BRIP1: variants seen among roughly 807,000 people sequenced by gnomAD.
BRIP1 encodes Fanconi anemia group J protein.
In BRIP1, 88 loss-of-function variants were observed where a neutral mutation model predicts 119.7. The ratio of observed to expected loss-of-function variants is 0.74; its 90% CI spans 0.62 to 0.88. BRIP1 has a LOEUF of 0.88. BRIP1 is among the 40% of genes least tolerant of loss of function. The pLI is 0.00. For missense variants in BRIP1, 1,259 were observed against 1,455.4 expected (o/e 0.87, Z 2.20); for synonymous variants, 443 against 496.5 (o/e 0.89, Z 1.43).
At chr17:61,747,656 C>A (rs1191153141) in intron 14 of BRIP1, among the ~76,000 whole-genome samples, 1 of 152,002 alleles carries the variant, frequency 6.6e-6, no homozygotes, top group African/African-American at 2.4e-5. Flanking sequence ...AGCTAAGGAC[C>A]TAAATGGCCT....
chr17:61,784,313 CT>C lies in BRIP1; in HGVS notation c.1584del (p.Gly529AspfsTer61). ...AGATAGTCAAGTACCATAAAAAGTC[CT>C]TTAAGCATTATTTGAGTTGATGCAC... is the stretch of plus-strand genomic sequence containing the variant. Reference protein sequence around the residue: ...VISASTQIMLKGLFMVLDYLF... With the variant: ...VISASTQIMLXGLFMVLDYLF... On this transcript the variant is annotated frameshift_variant, in exon 11 of 20. Transcript: ENST00000259008. LOFTEE classifies it high-confidence loss of function. 6.2e-7 allele frequency: 1 copy of C among 1,613,370 alleles called. No individual in the cohort carries two copies. Among genetic ancestry groups the C allele is most frequent in the Non-Finnish European group, 8.5e-7 (1 of 1,179,516 alleles).
rs1279399251 is a variant in BRIP1 at position 61,768,034 on chromosome 17, A to G, written c.2097+8367T>C. Among the ~76,000 whole-genome samples, 2 of 152,188 alleles carry G rather than the reference A, an allele frequency of 1.3e-5. No individual in the cohort carries two copies. Among genetic ancestry groups the G allele is most frequent in the Non-Finnish European group, 2.9e-5 (2 of 68,036 alleles). On this transcript the variant is annotated intron_variant, in intron 14 of 19. Coordinates refer to ENST00000259008, the MANE Select transcript of BRIP1 (RefSeq NM_032043.3). This position sits in a 1 kb window ranked among gnomAD's most constrained non-coding sequence, Gnocchi z 5.0. ...TCTTCTTAATCTCTCTAATGATTAC[A>G]AATTTTGTCAAATAATGCAAGGATG...
At chr17:61,812,756 G>A (rs2078181762) in intron 6 of BRIP1, among the ~76,000 whole-genome samples, 1 of 152,046 alleles carries the variant, frequency 6.6e-6, no homozygotes, top group African/African-American at 2.4e-5. Flanking sequence ...TTTTTCTTGT[G>A]TTTAATAAAT....
In BRIP1 at chr17:61,683,114, G is replaced by T; in HGVS notation, c.*182C>A. ...CCACTGCATTCCAGCCTGGGCAACA[G>T]ACCAAGACTCTGTCTCAAAAAAAAA... On this transcript the variant is annotated 3_prime_UTR_variant, in exon 20 of 20. Transcript: ENST00000259008. This position sits in a 1 kb window ranked among gnomAD's most constrained non-coding sequence, Gnocchi z 4.7. The T allele has an allele frequency of 1.4e-6, 1 of 692,372 alleles. No homozygotes were observed. The highest frequency in any genetic ancestry group is 2.0e-5 in the South Asian group (1 of 51,016). The allele number at this position is 692,372 out of a possible 1,614,324, so 42.9% of individuals were successfully genotyped here. A position where few individuals can be genotyped will look rare whatever the true frequency, so the allele number is the denominator to read the frequency against.
intron 16 of BRIP1, among the ~76,000 whole-genome samples, chr17:61,728,447 GC>G (rs1329088519): frequency 1.2e-4 from 19 of 152,100 alleles, no homozygotes; most frequent in African/African-American, 4.6e-4. Flanking sequence ...CTGATTCCAA[GC>G]CCCAATATAT....
Position 61,847,169 on chromosome 17 carries a change from C to A in BRIP1, c.559G>T (p.Val187Phe), listed in dbSNP as rs876659064. 6.2e-7 allele frequency: 1 copy of A among 1,613,626 alleles called. No individual in the cohort carries two copies. Among genetic ancestry groups the A allele is most frequent in the Non-Finnish European group, 8.5e-7 (1 of 1,179,598 alleles). Residue 187 changes from valine (V) to phenylalanine (F), a missense_variant, in exon 6 of 20, where the codon GTT becomes TTT. This residue lies in a region of BRIP1 where 501 missense variants were observed against 544.0 expected (regional missense o/e 0.92). Transcript: ENST00000259008. ...GTEVHNLDAK[V>F]DSGKTVKLNS... Reference sequence around the variant, plus strand: ...AGTTTTACAGTCTTTCCTGAATCAACTTTTGCATCCAAATTGTGTACTTCT... The same window carrying A: ...AGTTTTACAGTCTTTCCTGAATCAAATTTTGCATCCAAATTGTGTACTTCT...
rs1603369157 is a variant in BRIP1, at chr17:61,863,439, C to T, written c.-186G>A. On this transcript the variant is annotated 5_prime_UTR_variant, in exon 1 of 20. Coordinates refer to ENST00000259008, the MANE Select transcript of BRIP1 (RefSeq NM_032043.3). The stretch of plus-strand genomic sequence containing the variant: ...CTCTTCCTGGGGGTGCTGCTACTTC[C>T]CCGGCCTTGTGTGCAGGACTGGGGC... The T allele has an allele frequency of 6.6e-6, 1 of 152,302 alleles. No individual in the cohort carries two copies. The highest frequency in any genetic ancestry group is 2.4e-5 in the African/African-American group (1 of 41,412). The allele number at this position is 152,302 out of a possible 1,614,324, so 9.4% of individuals were successfully genotyped here.
Position 61,839,143 on chromosome 17 carries a change from T to C in BRIP1, c.627+7958A>G, listed in dbSNP as rs145385282. 0.014 allele frequency among the ~76,000 whole-genome samples: 2,062 copies of C among 152,182 alleles called. 27 individuals carry two copies. The highest frequency in any genetic ancestry group is 0.038 in the Middle Eastern group (11 of 290). ...ATTACCTCTACTCATATCCCCATTA[T>C]TTTTTCTTATATTACATTCTTGGAA... is the stretch of plus-strand genomic sequence containing the variant. On this transcript the variant is annotated intron_variant, in intron 6 of 19. Coordinates refer to ENST00000259008, the MANE Select transcript of BRIP1 (RefSeq NM_032043.3).
In BRIP1 at chr17:61,731,754, T is replaced by C. The variant is rs184614762; in HGVS notation, c.2379+11259A>G. Among the ~76,000 whole-genome samples the C allele has an allele frequency of 2.0e-5, 3 of 152,246 alleles. No homozygotes were observed. In the East Asian group the frequency reaches 5.8e-4, roughly 29 times the overall value. ...CATTCCCAGGGTTCCTGTGACTTTT[T>C]CTTATAGCCTTTATCACAACTGTGA... On this transcript the variant is annotated intron_variant, in intron 16 of 19. Coordinates refer to ENST00000259008, the MANE Select transcript of BRIP1 (RefSeq NM_032043.3).
At position 61,679,436 on chromosome 17, in the gene BRIP1, G is replaced by A. The variant is rs1195920651; in HGVS notation, c.*3860C>T. Among the ~76,000 whole-genome samples the A allele has an allele frequency of 6.6e-6, 1 of 152,116 alleles. No individual in the cohort carries two copies. Among genetic ancestry groups the A allele is most frequent in the Non-Finnish European group, 1.5e-5 (1 of 68,006 alleles). ...CAAGAATAAAGCCCTGTCTCTAACT[G>A]GTAGTTTTCCTGGTTTGCAGCCTGT... is the stretch of plus-strand genomic sequence containing the variant. On this transcript the variant is annotated 3_prime_UTR_variant, in exon 20 of 20. Coordinates refer to ENST00000259008, the MANE Select transcript of BRIP1 (RefSeq NM_032043.3). The surrounding 1 kb of genome is among the most constrained non-coding windows in gnomAD (Gnocchi z 4.4).
intron 16 of BRIP1, among the ~76,000 whole-genome samples, chr17:61,732,752 C>T (rs770205317): frequency 2.6e-5 from 4 of 151,544 alleles, no homozygotes; most frequent in Non-Finnish European, 5.9e-5. Flanking sequence ...AGTGCAGTGG[C>T]GCAATTTCAG....
intron 13 of BRIP1, among the ~76,000 whole-genome samples, chr17:61,777,146 A>G (rs74473758): frequency 0.033 from 4,993 of 152,312 alleles, 311 homozygotes; most frequent in African/African-American, 0.11. Context: ...ATCTAGGTGA[A>G]GGATATAAAG....
At position 61,690,291 on chromosome 17, in the gene BRIP1, TTAATA is replaced by T. The variant is rs1383476674; in HGVS notation, c.2575+3134_2575+3138del. Among the ~76,000 whole-genome samples the T allele has an allele frequency of 9.2e-5, 14 of 152,146 alleles. No individual in the cohort carries two copies. The highest frequency in any genetic ancestry group is 1.4e-4 in the African/African-American group (6 of 41,442). ...AAAGTGTACACAAATACAGAATACT[TTAATA>T]TAACAACAGTGATACATAAATAATG... On this transcript the variant is annotated intron_variant, in intron 18 of 19. Transcript: ENST00000259008. The surrounding 1 kb of genome is among the most constrained non-coding windows in gnomAD (Gnocchi z 5.6).
Position 61,768,749 on chromosome 17 carries a change from T to C in BRIP1, c.2097+7652A>G, listed in dbSNP as rs191859497. 6.6e-6 allele frequency among the ~76,000 whole-genome samples: 1 copy of C among 152,230 alleles called. No individual in the cohort carries two copies. The highest frequency in any genetic ancestry group is 1.5e-5 in the Non-Finnish European group (1 of 68,008). ...CCCCGTTGTGAGATAAAAATAAGACTTTACTTCCATGATTAGATTATATTA... is the reference window on the plus strand; with the variant it reads ...CCCCGTTGTGAGATAAAAATAAGACCTTACTTCCATGATTAGATTATATTA... On this transcript the variant is annotated intron_variant, in intron 14 of 19. Transcript: ENST00000259008. This position sits in a 1 kb window ranked among gnomAD's most constrained non-coding sequence, Gnocchi z 5.0.
chr17:61,808,811 T>C lies in BRIP1; in HGVS notation c.628-54A>G. 2 of 1,543,332 alleles carry C rather than the reference T, an allele frequency of 1.3e-6. No homozygotes were observed. Among genetic ancestry groups the C allele is most frequent in the Middle Eastern group, 1.7e-4 (1 of 5,964 alleles). ...ATATCTAAACTACCATAAAAAACGTTATCAAACCTCACATGGAATCAGAAC... is the reference window on the plus strand; with the variant it reads ...ATATCTAAACTACCATAAAAAACGTCATCAAACCTCACATGGAATCAGAAC... On this transcript the variant is annotated intron_variant, in intron 6 of 19. Transcript: ENST00000259008. This position sits in a 1 kb window ranked among gnomAD's most constrained non-coding sequence, Gnocchi z 4.1.
rs1039192715 is a variant in BRIP1, at chr17:61,789,913, C to T, written c.1473+3684G>A. On this transcript the variant is annotated intron_variant, in intron 10 of 19. Coordinates refer to ENST00000259008, the MANE Select transcript of BRIP1 (RefSeq NM_032043.3). The surrounding 1 kb of genome is among the most constrained non-coding windows in gnomAD (Gnocchi z 4.8). ...TTTTCTTTGTGCCATTCTGTATTTTCCAGTTTTTTTCCCTTGACATACATT... is the reference window on the plus strand; with the variant it reads ...TTTTCTTTGTGCCATTCTGTATTTTTCAGTTTTTTTCCCTTGACATACATT... 2.0e-5 allele frequency among the ~76,000 whole-genome samples: 3 copies of T among 152,050 alleles called. No individual in the cohort carries two copies. The highest frequency in any genetic ancestry group is 7.2e-5 in the African/African-American group (3 of 41,394).
Position 61,753,340 on chromosome 17 carries a change from A to G in BRIP1, c.2098-8749T>C, listed in dbSNP as rs1031226821. On this transcript the variant is annotated intron_variant, in intron 14 of 19. Transcript: ENST00000259008. The surrounding 1 kb of genome is among the most constrained non-coding windows in gnomAD (Gnocchi z 4.6). ...AAAATGAACTAAGACAGTACCATTC[A>G]TTCATACAGGCAACACTGGCAAAGG... is the stretch of plus-strand genomic sequence containing the variant. Among the ~76,000 whole-genome samples the G allele has an allele frequency of 6.6e-6, 1 of 152,216 alleles. No individual in the cohort carries two copies. The highest frequency in any genetic ancestry group is 1.5e-5 in the Non-Finnish European group (1 of 68,038).
At chr17:61,723,054 C>T (rs2062008515) in intron 16 of BRIP1, among the ~76,000 whole-genome samples, 2 of 152,118 alleles carry the variant, frequency 1.3e-5, no homozygotes, top group Admixed American at 1.3e-4. Context: ...ATAAAAATTA[C>T]TTTGTGAGAT....
intron 18 of BRIP1, among the ~76,000 whole-genome samples, chr17:61,688,672 ATACAAGGT>A (rs144637980): frequency 1.3e-3 from 193 of 152,046 alleles, no homozygotes; most frequent in Non-Finnish European, 2.4e-3. Context: ...TGTGGATACC[ATACAAGGT>A]TACAAGAAAC....
Sources: gnomAD v4.1 joint callset for allele counts (sites outside exome capture counted in the v4.1 genomes callset) on GRCh38, gnomAD v4.1.1 for gene constraint, gnomAD v4.1.1 regional missense constraint, Gnocchi (gnomAD v3.1) non-coding constraint, MANE v1.5 for transcripts, NCBI Gene and HGNC (gene_info 2026-07-23, HGNC 2026-07-21) for gene names.